CD80: variants seen among roughly 807,000 people sequenced by gnomAD.
The protein encoded by CD80 is CD80 molecule, also known as T-lymphocyte activation antigen CD80.
A neutral mutation model predicts 27.1 loss-of-function variants in CD80; 13 were observed. The ratio of observed to expected loss-of-function variants is 0.48; its 90% confidence interval spans 0.31 to 0.76. CD80 has a LOEUF of 0.76. CD80 is among the 30% of genes least tolerant of loss of function. CD80 has a pLI of 0.04. For missense variants in CD80, 277 were observed against 347.9 expected, an observed-to-expected ratio of 0.80 and a Z score of 1.62; for synonymous variants, 125 against 125.5, an observed-to-expected ratio of 1.00 and a Z score of 0.03.
chr3:119,550,580 G>A (rs974515085), intron 2 of CD80, among the ~76,000 whole-genome samples: 2 of 152,114 alleles, frequency 1.3e-5, no homozygotes, highest in Non-Finnish European at 2.9e-5. Context: ...ATCACACACG[G>A]ACAAAAAGCA....
intron 6 of CD80, among the ~76,000 whole-genome samples, chr3:119,526,370 T>C (rs2082066258): frequency 6.6e-6 from 1 of 152,126 alleles, no homozygotes. Flanking sequence ...AGAAGACTTT[T>C]TAGATAGAAA....
chr3:119,540,262 T>C (rs1446135748), intron 3 of CD80, among the ~76,000 whole-genome samples: 2 of 152,214 alleles, frequency 1.3e-5, no homozygotes, highest in African/African-American at 4.8e-5. Context: ...GATAGCTATA[T>C]TTAAGTGGGT....
At chr3:119,530,815 T>C (rs894166743) in intron 4 of CD80, among the ~76,000 whole-genome samples, 6 of 152,246 alleles carry the variant, frequency 3.9e-5, no homozygotes, top group Non-Finnish European at 8.8e-5. Context: ...TAACTTATTG[T>C]TTTTACTTTT....
In CD80 at chr3:119,557,681, G is replaced by A; in HGVS notation, c.48C>T (p.Tyr16=). 1 of 1,613,810 alleles carries A rather than the reference G, an allele frequency of 6.2e-7. No homozygotes were observed. The highest frequency in any genetic ancestry group is 8.5e-7 in the Non-Finnish European group (1 of 1,179,876). Residue 16 remains tyrosine (Y), a synonymous_variant, in exon 2 of 7, where the codon TAC becomes TAT. Coordinates refer to ENST00000264246, the MANE Select transcript of CD80 (RefSeq NM_005191.4). ...RQGTSPSKCP[Y]LNFFQLLVLA... is the part of the protein sequence containing the mutation. The stretch of plus-strand genomic sequence containing the variant: ...GCACCAAGAGCTGAAAGAAATTGAG[G>A]TATGGACACTTGGATGGTGATGTTC...
chr3:119,528,923 C>CA (rs141948068), intron 5 of CD80, among the ~76,000 whole-genome samples: 61,992 of 132,390 alleles, frequency 0.47, 15,382 homozygotes, highest in East Asian at 0.57. Context: ...GACTCCATCT[C>CA]AAAAAAAAAA....
At chr3:119,551,767 C>A (rs951956943) in intron 2 of CD80, among the ~76,000 whole-genome samples, 1 of 152,184 alleles carries the variant, frequency 6.6e-6, no homozygotes. Flanking sequence ...CTTTAGAATG[C>A]TCTACAGATT....
chr3:119,528,724 C>G (rs113019813), intron 5 of CD80, among the ~76,000 whole-genome samples: 1 of 151,960 alleles, frequency 6.6e-6, no homozygotes, highest in African/African-American at 2.4e-5. Context: ...GAGATCAAGA[C>G]CATCCTGGCC....
chr3:119,546,077 A>C (rs1577111375), intron 2 of CD80, among the ~76,000 whole-genome samples: 2 of 152,238 alleles, frequency 1.3e-5, no homozygotes. Context: ...TCATGGACCA[A>C]TCATTATAAC....
chr3:119,556,000 C>A (rs2082262664), intron 2 of CD80, among the ~76,000 whole-genome samples: 1 of 152,184 alleles, frequency 6.6e-6, no homozygotes, highest in South Asian at 2.1e-4. Flanking sequence ...TTTCCCAGAT[C>A]TTGGGCTCCT....
rs558706132 is a variant in CD80, at chr3:119,528,832, C to T, written c.797-991G>A. ...TCCCAGCTACTCAGGAGGCTGAGGC[C>T]GGATAATTGCTTGAACCTGGGAGGC... is the stretch of plus-strand genomic sequence containing the variant. On this transcript the variant is annotated intron_variant, in intron 5 of 6. Transcript: ENST00000264246. Among the ~76,000 whole-genome samples, 8 of 91,630 alleles carry T rather than the reference C, an allele frequency of 8.7e-5. No homozygotes were observed. In the East Asian group the frequency reaches 2.1e-3, roughly 24 times the overall value. The allele number at this position is 91,630 out of a possible 152,430, so 60.1% of individuals were successfully genotyped here.
intron 3 of CD80, among the ~76,000 whole-genome samples, chr3:119,540,963 G>C (rs774202671): frequency 6.6e-6 from 1 of 151,916 alleles, no homozygotes; most frequent in Admixed American, 6.6e-5. Context: ...CAGGAGAATC[G>C]CTTGAACCCA....
At chr3:119,532,497 A>AG (rs2082116087) in intron 4 of CD80, among the ~76,000 whole-genome samples, 3 of 110,612 alleles carry the variant, frequency 2.7e-5, no homozygotes, top group African/African-American at 9.4e-5. Context: ...AAAAAGACAA[A>AG]GAAAAAAAAA....
At chr3:119,557,312 T>A (rs1048671837) in intron 2 of CD80, among the ~76,000 whole-genome samples, 10 of 152,206 alleles carry the variant, frequency 6.6e-5, no homozygotes, top group Non-Finnish European at 2.9e-5. Flanking sequence ...TCACAAAATG[T>A]AAATGAGCAT....
intron 4 of CD80, among the ~76,000 whole-genome samples, chr3:119,536,864 C>T (rs141829005): frequency 1.3e-5 from 2 of 152,282 alleles, no homozygotes; most frequent in Non-Finnish European, 2.9e-5. Flanking sequence ...CGCTTAGATA[C>T]ACAAATACTT....
chr3:119,533,952 A>G (rs1373854987), intron 4 of CD80, among the ~76,000 whole-genome samples: 1 of 152,172 alleles, frequency 6.6e-6, no homozygotes, highest in African/African-American at 2.4e-5. Context: ...AAGAATCCCC[A>G]CACAGTCCAA....
At chr3:119,530,348 C>T (rs942985307) in intron 4 of CD80, among the ~76,000 whole-genome samples, 11 of 152,060 alleles carry the variant, frequency 7.2e-5, no homozygotes, top group African/African-American at 2.7e-4. Context: ...TTTCTCCTAC[C>T]ATATTCTCTC....
chr3:119,554,239 G>A (rs2082250935), intron 2 of CD80, among the ~76,000 whole-genome samples: 1 of 152,236 alleles, frequency 6.6e-6, no homozygotes, highest in African/African-American at 2.4e-5. Flanking sequence ...GTGTGTTGCA[G>A]GGAGAGGAGG....
chr3:119,535,816 A>G (rs1323221909), intron 4 of CD80, among the ~76,000 whole-genome samples: 1 of 152,236 alleles, frequency 6.6e-6, no homozygotes, highest in Admixed American at 6.5e-5. Context: ...GGCATGCCCT[A>G]AAAGAAAGCA....
chr3:119,531,604 A>G (rs183485984), intron 4 of CD80, among the ~76,000 whole-genome samples: 1 of 152,272 alleles, frequency 6.6e-6, no homozygotes, highest in East Asian at 1.9e-4. Flanking sequence ...CAGGGAGTCC[A>G]AGATCCCTGT....
Sources: gnomAD v4.1 joint callset for allele counts (sites outside exome capture counted in the v4.1 genomes callset) on GRCh38, gnomAD v4.1.1 for gene constraint, MANE v1.5 for transcripts, NCBI Gene and HGNC (gene_info 2026-07-23, HGNC 2026-07-21) for gene names.